USB1: variants seen among roughly 807,000 people sequenced by gnomAD.
USB1 encodes the protein U6 snRNA phosphodiesterase 1.
A neutral mutation model predicts 29.9 loss-of-function variants in USB1; 21 were observed. The observed-to-expected ratio is 0.70, with a 90% CI of 0.50 to 1.01. USB1 has a LOEUF of 1.01. Ranked by LOEUF, USB1 falls within the 50% of genes least tolerant of loss-of-function variation. The pLI is 0.00. For missense variants in USB1, 330 were observed against 347.1 expected (o/e 0.95, Z 0.39); for synonymous variants, 143 against 134.9 (o/e 1.06, Z -0.42).
intron 1 of USB1, 91 bp downstream of exon 1, chr16:58,001,672 G>A: frequency 1.4e-6 from 2 of 1,426,592 alleles, no homozygotes; most frequent in South Asian, 1.2e-5. Flanking sequence ...TGGGGAGGGA[G>A]GATGCGGGGC....
chr16:58,007,708 C>G lies in USB1; in HGVS notation c.266-2221C>G, dbSNP rs562399396. 3.2e-4 allele frequency among the ~76,000 whole-genome samples: 48 copies of G among 151,414 alleles called. 1 individual carries two copies. In the East Asian group the frequency reaches 8.7e-3, roughly 27 times the overall value. On this transcript the variant is annotated intron_variant, in intron 2 of 6. Transcript: ENST00000219281. The stretch of plus-strand genomic sequence containing the variant: ...GAAGGTAATTATTTATTTATTCAGG[C>G]TGGGTGCAGTGGCTTACGCCTATCA...
At chr16:58,012,112 C>T (rs1181703619) in intron 3 of USB1, 3 of 1,397,680 alleles carry the variant, frequency 2.1e-6, no homozygotes, top group Non-Finnish European at 2.8e-6. Context: ...CCAGGAATTC[C>T]ATAGGATGTC....
At chr16:58,011,127 T>C in intron 3 of USB1, 1 of 1,250,102 alleles carries the variant, frequency 8.0e-7, no homozygotes, top group Non-Finnish European at 1.1e-6. Flanking sequence ...ACAGACCAGA[T>C]AATAGAACAA....
chr16:58,000,644 G>A (rs1963155841), upstream of USB1, among the ~76,000 whole-genome samples: 1 of 149,500 alleles, frequency 6.7e-6, no homozygotes, highest in Non-Finnish European at 1.5e-5. The surrounding 1 kb of genome is among the most constrained non-coding windows in gnomAD (Gnocchi z 4.5). Flanking sequence ...AGGGCGGGCG[G>A]ACGGACCGAT....
chr16:58,018,832 C>G (rs1650510600), intron 5 of USB1, 140 bp from the exon 6 acceptor site: 1 of 815,378 alleles, frequency 1.2e-6, no homozygotes. Flanking sequence ...TGCTTGGGAT[C>G]AACACTGAGT....
chr16:58,015,142 TG>T (rs1963587469), intron 4 of USB1: 1 of 151,930 alleles, frequency 6.6e-6, no homozygotes, highest in Non-Finnish European at 1.5e-5. Flanking sequence ...GAGCATGTAG[TG>T]GGGTGGTGCC....
chr16:58,019,617 A>G (rs1963693694), intron 6 of USB1, among the ~76,000 whole-genome samples: 1 of 143,548 alleles, frequency 7.0e-6, no homozygotes, highest in Non-Finnish European at 1.5e-5. Context: ...GGTTGGGGAG[A>G]CAGTAGGGAG....
chr16:58,011,928 T>C (rs1439051688), intron 3 of USB1: 1 of 1,034,264 alleles, frequency 9.7e-7, no homozygotes, highest in Admixed American at 5.2e-5. Flanking sequence ...CTACTGTTGA[T>C]ACTAGAAGGA....
Position 58,013,261 on chromosome 16 carries a change from T to C in USB1, c.450-1012T>C. ...TTGGGCACAGACATCCAGTGTCCAC[T>C]CCAGGATGTTTGGGAGACACCTTGA... On this transcript the variant is annotated intron_variant, in intron 3 of 6. Coordinates refer to ENST00000219281, the MANE Select transcript of USB1 (RefSeq NM_024598.4). The surrounding 1 kb of genome is among the most constrained non-coding windows in gnomAD (Gnocchi z 4.3). The C allele has an allele frequency of 1.0e-6, 1 of 985,406 alleles. No individual in the cohort carries two copies. The allele number at this position is 985,406 out of a possible 1,614,324, so 61.0% of individuals were successfully genotyped here. A position where few individuals can be genotyped will look rare whatever the true frequency, so the allele number is the denominator to read the frequency against.
intron 1 of USB1, 53 bp from the exon 2 acceptor site, chr16:58,002,426 G>A: frequency 1.2e-6 from 2 of 1,609,382 alleles, no homozygotes; most frequent in Non-Finnish European, 1.7e-6. Context: ...ATATACAAAG[G>A]TAGAGAATGC....
rs751069680 is a variant in USB1 at position 58,012,342 on chromosome 16, AG to A, written c.450-1930del. ...ACAGGTGCCAGAAGCCCATGCCAGA[AG>A]CCCAACCCAAAGTGGCTTAAACCAA... On this transcript the variant is annotated intron_variant, in intron 3 of 6. Transcript: ENST00000219281. 402 of 1,534,500 alleles carry A rather than the reference AG, an allele frequency of 2.6e-4. No homozygotes were observed. In the African/African-American group the frequency reaches 5.1e-3, roughly 19 times the overall value.
At chr16:58,016,841 TTTTG>T in intron 4 of USB1, 1 of 183,472 alleles carries the variant, frequency 5.5e-6, no homozygotes. Flanking sequence ...CAAATGGTCT[TTTTG>T]AGAAGTTTCA....
At chr16:58,007,451 G>A (rs1359310106) in intron 2 of USB1, among the ~76,000 whole-genome samples, 6 of 152,134 alleles carry the variant, frequency 3.9e-5, no homozygotes, top group South Asian at 4.2e-4. Context: ...GCATGATCTC[G>A]GCTCACTGCA....
intron 4 of USB1, chr16:58,016,318 T>C (rs1018183230): frequency 2.0e-5 from 3 of 152,190 alleles, no homozygotes; most frequent in Non-Finnish European, 4.4e-5. Context: ...TAAGAGACAC[T>C]GGTGGGATGA....
Position 58,019,038 on chromosome 16 carries a change from T to C in USB1, c.676T>C (p.Cys226Arg), listed in dbSNP as rs1963683450. 1 of 1,613,996 alleles carries C rather than the reference T, an allele frequency of 6.2e-7. No individual in the cohort carries two copies. The highest frequency in any genetic ancestry group is 1.3e-5 in the African/African-American group (1 of 74,900). The change falls in exon 6 of 7, where the codon TGC (cysteine) becomes CGC (arginine). Residue 226 changes from cysteine to arginine, a missense_variant. Physicochemically the swap from Cys to Arg is radical, Grantham distance 180 (BLOSUM62 -3). Coordinates refer to ENST00000219281, the MANE Select transcript of USB1 (RefSeq NM_024598.4). ...GDARLQLEGQ[C>R]LQELQAIVDG... Reference sequence around the variant, plus strand: ...TGCACGTCTCCAGCTGGAGGGGCAGTGCCTGCAGGAACTACAGGTGAATTT... The same window carrying C: ...TGCACGTCTCCAGCTGGAGGGGCAGCGCCTGCAGGAACTACAGGTGAATTT...
chr16:58,008,482 C>G (rs915210217), intron 2 of USB1, among the ~76,000 whole-genome samples: 1 of 138,554 alleles, frequency 7.2e-6, no homozygotes, highest in Admixed American at 7.7e-5. Flanking sequence ...GTGAGGGAGC[C>G]TCGATCCGTC....
intron 2 of USB1, among the ~76,000 whole-genome samples, chr16:58,005,203 G>C (rs1161978771): frequency 3.3e-5 from 5 of 152,130 alleles, no homozygotes; most frequent in Non-Finnish European, 5.9e-5. Context: ...CAGCATCACA[G>C]GGAGATGGTT....
At chr16:58,006,543 C>T (rs762011660) in intron 2 of USB1, among the ~76,000 whole-genome samples, 27 of 152,208 alleles carry the variant, frequency 1.8e-4, no homozygotes, top group Non-Finnish European at 3.4e-4. Flanking sequence ...CCTGTAATCC[C>T]AGCTACTTAG....
intron 1 of USB1, 101 bp from the exon 2 acceptor site, chr16:58,002,378 C>T: frequency 6.4e-7 from 1 of 1,565,656 alleles, no homozygotes; most frequent in African/African-American, 1.3e-5. Context: ...AACACACACT[C>T]AGAGCCACCA....
Sources: gnomAD v4.1 joint callset for allele counts (sites outside exome capture counted in the v4.1 genomes callset) on GRCh38, gnomAD v4.1.1 for gene constraint, Gnocchi (gnomAD v3.1) non-coding constraint, MANE v1.5 for transcripts, NCBI Gene and HGNC (gene_info 2026-07-23, HGNC 2026-07-21) for gene names.